SVOP: variants seen among roughly 807,000 people sequenced by gnomAD.
The protein encoded by SVOP is SV2 related protein, also known as synaptic vesicle 2-related protein.
In SVOP, 17 loss-of-function variants were observed where a neutral mutation model predicts 69.1. The observed-to-expected ratio is 0.25, with a 90% CI of 0.17 to 0.37. The LOEUF (loss-of-function observed/expected upper bound fraction) is 0.37, where lower values mean the gene tolerates loss of function less well. Ranked by LOEUF, SVOP falls within the 10% of genes least tolerant of loss-of-function variation. SVOP has a pLI of 1.00. For synonymous variants in SVOP, 238 were observed against 238.6 expected, an observed-to-expected ratio of 1.00 and a Z score of 0.02; for missense variants, 435 against 597.5, an observed-to-expected ratio of 0.73 and a Z score of 2.84.
At chr12:108,922,223 T>C (rs2039752585) in intron 12 of SVOP, among the ~76,000 whole-genome samples, 1 of 152,198 alleles carries the variant, frequency 6.6e-6, no homozygotes, top group Non-Finnish European at 1.5e-5. Flanking sequence ...TATCGTCCAA[T>C]ATAATAAAGA....
At chr12:108,971,418 G>T (rs2040078384) in intron 5 of SVOP, among the ~76,000 whole-genome samples, 1 of 119,460 alleles carries the variant, frequency 8.4e-6, no homozygotes, top group African/African-American at 3.2e-5. Context: ...GACAGAGCAA[G>T]ACTCCGTCTC....
In SVOP at chr12:108,912,500, C is replaced by T. The variant is rs764052816; in HGVS notation, c.*35G>A. The stretch of plus-strand genomic sequence containing the variant: ...GGGCCTGCCAGCCCCCCAAGCTCTG[C>T]AGCCTCAAAGACCAGCTCAGTCCCC... On this transcript the variant is annotated 3_prime_UTR_variant, in exon 16 of 16. Transcript: ENST00000610966. The T allele has an allele frequency of 6.2e-7, 1 of 1,610,996 alleles. No homozygotes were observed. The highest frequency in any genetic ancestry group is 8.5e-7 in the Non-Finnish European group (1 of 1,177,382).
chr12:108,919,129 C>T (rs568278460), intron 13 of SVOP, among the ~76,000 whole-genome samples: 1 of 151,876 alleles, frequency 6.6e-6, no homozygotes, highest in East Asian at 1.9e-4. Flanking sequence ...CACACCTGCA[C>T]CCATACTTGG....
intron 4 of SVOP, among the ~76,000 whole-genome samples, chr12:108,974,265 T>C (rs2040094797): frequency 2.0e-5 from 3 of 152,212 alleles, no homozygotes; most frequent in African/African-American, 7.2e-5. Context: ...TGGGAAACAT[T>C]CCACACCACT....
chr12:108,935,862 A>G (rs536845558), intron 10 of SVOP, among the ~76,000 whole-genome samples: 27 of 152,190 alleles, frequency 1.8e-4, no homozygotes, highest in Admixed American at 4.6e-4. Context: ...ACTCCCTTCC[A>G]TGGGTATTAT....
rs577583305 is a variant in SVOP, at chr12:108,909,864, G to A, written c.*2671C>T. 6.6e-6 allele frequency: 1 copy of A among 152,304 alleles called. No homozygotes were observed. The highest frequency in any genetic ancestry group is 2.1e-4 in the South Asian group (1 of 4,828). 9.4% of individuals were successfully genotyped at this position (152,304 alleles called of 1,614,324 possible). On this transcript the variant is annotated 3_prime_UTR_variant, in exon 16 of 16. Transcript: ENST00000610966. ...CTCAGCTAAAGGTCTCACATATTCA[G>A]AAGTTTGGGTGCCTTTTGTGATAGC...
chr12:108,987,309 T>C (rs1330417891), intron 1 of SVOP, among the ~76,000 whole-genome samples: 2 of 152,192 alleles, frequency 1.3e-5, no homozygotes, highest in African/African-American at 4.8e-5. Context: ...TAATATTCCA[T>C]TGTGTGGACA....
chr12:108,986,877 A>T (rs1440613722), intron 1 of SVOP, among the ~76,000 whole-genome samples: 1 of 152,134 alleles, frequency 6.6e-6, no homozygotes, highest in African/African-American at 2.4e-5. Flanking sequence ...ACAAACACAT[A>T]GTCACTCTGA....
intron 5 of SVOP, among the ~76,000 whole-genome samples, chr12:108,963,732 C>T (rs1423046131): frequency 3.3e-5 from 5 of 152,080 alleles, no homozygotes; most frequent in Non-Finnish European, 5.9e-5. Context: ...GTCTCGAACT[C>T]CTGGACTCAA....
At chr12:108,931,222 A>C (rs1277273606) in intron 11 of SVOP, among the ~76,000 whole-genome samples, 1 of 152,200 alleles carries the variant, frequency 6.6e-6, no homozygotes, top group African/African-American at 2.4e-5. Context: ...ATACCAATAA[A>C]CAAAACTATT....
At chr12:108,993,920 A>G (rs1184411558) in intron 1 of SVOP, among the ~76,000 whole-genome samples, 1 of 152,218 alleles carries the variant, frequency 6.6e-6, no homozygotes, top group African/African-American at 2.4e-5. Context: ...GGCAAGGTCA[A>G]TGGATCAGTA....
intron 8 of SVOP, 50 bp from the exon 9 acceptor site, chr12:108,939,005 A>C: frequency 6.2e-7 from 1 of 1,612,704 alleles, no homozygotes; most frequent in Non-Finnish European, 8.5e-7. Flanking sequence ...AGGGTGGAAC[A>C]GAGCACTCGC....
intron 6 of SVOP, among the ~76,000 whole-genome samples, chr12:108,957,954 C>G (rs1310630846): frequency 6.6e-6 from 1 of 152,208 alleles, no homozygotes; most frequent in Non-Finnish European, 1.5e-5. Context: ...ATCCAGAATC[C>G]TGGAGGAACT....
chr12:108,928,716 G>T (rs773025003), intron 11 of SVOP, among the ~76,000 whole-genome samples: 7 of 151,952 alleles, frequency 4.6e-5, no homozygotes, highest in African/African-American at 1.7e-4. Flanking sequence ...ACAGATGCAC[G>T]CCACCACACT....
chr12:108,963,043 AAAAATT>A (rs2040025884), intron 5 of SVOP, among the ~76,000 whole-genome samples: 1 of 152,200 alleles, frequency 6.6e-6, no homozygotes. Flanking sequence ...AGATTGGAAA[AAAAATT>A]AAGAGTAAAC....
At chr12:108,917,987 A>T in intron 14 of SVOP, 56 bp downstream of exon 14, 5 of 1,391,738 alleles carry the variant, frequency 3.6e-6, no homozygotes, top group Non-Finnish European at 4.9e-6. Context: ...AGCATCCCCC[A>T]CAGCCACTCT....
At chr12:108,975,891 G>C (rs1024908255) in intron 4 of SVOP, among the ~76,000 whole-genome samples, 10 of 151,980 alleles carry the variant, frequency 6.6e-5, no homozygotes, top group Non-Finnish European at 1.3e-4. Context: ...GGTAGAGACG[G>C]GGTTTCACCA....
chr12:109,001,206 C>G (rs1208258137), intron 1 of SVOP, among the ~76,000 whole-genome samples: 6 of 64,082 alleles, frequency 9.4e-5, no homozygotes, highest in Admixed American at 2.0e-4. Flanking sequence ...CTCCCATTCA[C>G]AATTGCTTCA....
chr12:108,994,450 C>T (rs1010910697), intron 1 of SVOP, among the ~76,000 whole-genome samples: 13 of 152,076 alleles, frequency 8.5e-5, no homozygotes, highest in African/African-American at 2.9e-4. Flanking sequence ...GCTGAGATCA[C>T]GCCACTGCAC....
Sources: gnomAD v4.1 joint callset for allele counts (sites outside exome capture counted in the v4.1 genomes callset) on GRCh38, gnomAD v4.1.1 for gene constraint, MANE v1.5 for transcripts, NCBI Gene and HGNC (gene_info 2026-07-23, HGNC 2026-07-21) for gene names.